The following MEI1 variants were observed in gnomAD, a reference collection of about 807,000 sequenced individuals.
The protein encoded by MEI1 is meiosis inhibitor protein 1.
A neutral mutation model predicts 146.2 loss-of-function variants in MEI1; 103 were observed. That is an observed-to-expected ratio of 0.70 (90% CI 0.60 to 0.83). MEI1 has a LOEUF of 0.83. Among genes scored for constraint, MEI1 ranks in the 40% least tolerant of loss-of-function variants. MEI1 has a pLI of 0.00. For missense variants in MEI1, 1,529 were observed against 1,533.0 expected, an observed-to-expected ratio of 1.00 and a Z score of 0.04; for synonymous variants, 652 against 628.2, an observed-to-expected ratio of 1.04 and a Z score of -0.57.
At chr22:41,775,081 T>C (rs2148087688) in intron 20 of MEI1, among the ~76,000 whole-genome samples, 1 of 152,336 alleles carries the variant, frequency 6.6e-6, no homozygotes, top group East Asian at 1.9e-4. Context: ...GGAATTGGCT[T>C]CTTTGAGCTA....
intron 3 of MEI1, among the ~76,000 whole-genome samples, chr22:41,711,891 AAGAAATAGT>A (rs1298388603): frequency 6.6e-6 from 1 of 151,960 alleles, no homozygotes; most frequent in Non-Finnish European, 1.5e-5. Context: ...AAACTGAGGA[AAGAAATAGT>A]AGAGATAATA....
intron 7 of MEI1, among the ~76,000 whole-genome samples, chr22:41,728,594 G>C (rs1262020327): frequency 6.6e-6 from 1 of 152,138 alleles, no homozygotes; most frequent in African/African-American, 2.4e-5. Flanking sequence ...GGCTGAGCAT[G>C]GTGGCTCATG....
chr22:41,787,959 G>A (rs1256584768), intron 26 of MEI1, among the ~76,000 whole-genome samples: 4 of 152,132 alleles, frequency 2.6e-5, no homozygotes, highest in African/African-American at 7.2e-5. Flanking sequence ...CATCATGTTG[G>A]TGCTCAAAAG....
chr22:41,729,845 G>A, intron 8 of MEI1, 66 bp downstream of exon 8: 1 of 978,414 alleles, frequency 1.0e-6, no homozygotes, highest in East Asian at 2.7e-5. Flanking sequence ...AGGTTCAATT[G>A]TGTATGACAG....
At chr22:41,723,406 G>A (rs570011792) in intron 6 of MEI1, among the ~76,000 whole-genome samples, 5 of 152,036 alleles carry the variant, frequency 3.3e-5, no homozygotes, top group Admixed American at 2.6e-4. Flanking sequence ...CTAGAGAGGG[G>A]GTTTCACCAT....
chr22:41,704,157 T>C (rs767668162), intron 2 of MEI1, among the ~76,000 whole-genome samples: 15 of 152,230 alleles, frequency 9.9e-5, no homozygotes, highest in Non-Finnish European at 2.1e-4. Context: ...TGTTCTTTCT[T>C]TTAATGTGAC....
chr22:41,732,050 G>C (rs772024098), intron 9 of MEI1, among the ~76,000 whole-genome samples, 195 bp from the exon 10 acceptor site: 16 of 152,132 alleles, frequency 1.1e-4, no homozygotes, highest in Non-Finnish European at 1.9e-4. Context: ...ACTGGGTGTT[G>C]GGGAGATGAA....
rs59389967 is a variant in MEI1 at position 41,752,071 on chromosome 22, G to GAA, written c.1793-508_1793-507dup. ...GCGACAGAGTGAGGCTCCGTCTCAG[G>GAA]AAAAAAAAAAAAAGAAAAGAAACTG... On this transcript the variant is annotated intron_variant, in intron 15 of 30. Coordinates refer to ENST00000401548, the MANE Select transcript of MEI1 (RefSeq NM_152513.4). Among the ~76,000 whole-genome samples the GAA allele has an allele frequency of 3.0e-5, 4 of 134,832 alleles. No homozygotes were observed. In the South Asian group the frequency reaches 9.6e-4, roughly 32 times the overall value. 88.5% of individuals were successfully genotyped at this position (134,832 alleles called of 152,430 possible). A position where few individuals can be genotyped will look rare whatever the true frequency, so the allele number is the denominator to read the frequency against.
At chr22:41,701,049 C>G (rs2068689887) in intron 1 of MEI1, among the ~76,000 whole-genome samples, 1 of 151,446 alleles carries the variant, frequency 6.6e-6, no homozygotes, top group Non-Finnish European at 1.5e-5. Flanking sequence ...AAGCGATTCT[C>G]CTGCCTCAGC....
chr22:41,782,036 C>T (rs139540), intron 24 of MEI1, among the ~76,000 whole-genome samples, 191 bp downstream of exon 24: 49,914 of 152,004 alleles, frequency 0.33, 10,159 homozygotes, highest in African/African-American at 0.54. Flanking sequence ...GAGGTTGTTT[C>T]ATATTAATCC....
intron 15 of MEI1, 66 bp from the exon 16 acceptor site, chr22:41,752,525 G>T (rs1175304401): frequency 2.1e-6 from 3 of 1,423,518 alleles, no homozygotes; most frequent in Non-Finnish European, 2.9e-6. Context: ...ATACCACCCA[G>T]GCTTGGGACT....
intron 7 of MEI1, among the ~76,000 whole-genome samples, chr22:41,728,180 C>T (rs2071537059): frequency 6.6e-6 from 1 of 152,170 alleles, no homozygotes; most frequent in Non-Finnish European, 1.5e-5. Flanking sequence ...AGTAGAACCA[C>T]ACAGTTCAAG....
intron 13 of MEI1, among the ~76,000 whole-genome samples, chr22:41,745,621 T>C (rs1475912638): frequency 6.6e-6 from 1 of 151,934 alleles, no homozygotes; most frequent in Non-Finnish European, 1.5e-5. Context: ...AAATAGCAAA[T>C]AGCATGGCAT....
chr22:41,719,023 C>T (rs1211177494), intron 6 of MEI1, among the ~76,000 whole-genome samples: 1 of 146,212 alleles, frequency 6.8e-6, no homozygotes, highest in African/African-American at 2.5e-5. Context: ...CACACTGTTG[C>T]CCAGGCCGGA....
Position 41,778,766 on chromosome 22 carries a change from G to A in MEI1, c.2769G>A (p.Val923=). The change falls in exon 22 of 31, where the codon GTG becomes GTA. Residue 923 remains valine (V), a synonymous_variant. Coordinates refer to ENST00000401548, the MANE Select transcript of MEI1 (RefSeq NM_152513.4). ...TCTCCCTGATGCAGCTCAGGAATGT[G>A]TCAGAGCAAGAACTGGACAGCGTGG... The part of the protein sequence containing the change: ...SLLSLMQLRN[V]SEQELDSVAM... 6.2e-7 allele frequency: 1 copy of A among 1,609,402 alleles called. No homozygotes were observed. Among genetic ancestry groups the A allele is most frequent in the Non-Finnish European group, 8.5e-7 (1 of 1,177,952 alleles).
chr22:41,783,847 T>G (rs1333800236), intron 24 of MEI1, among the ~76,000 whole-genome samples: 1 of 151,976 alleles, frequency 6.6e-6, no homozygotes, highest in East Asian at 1.9e-4. Flanking sequence ...GCCCAGATAA[T>G]GTTTTTGTAT....
chr22:41,747,239 T>TTC (rs2073369717), intron 14 of MEI1: 1 of 142,708 alleles, frequency 7.0e-6, no homozygotes, highest in African/African-American at 2.5e-5. Flanking sequence ...CCCTGTTTCT[T>TTC]TTTTTTTTTT....
At position 41,730,628 on chromosome 22, in the gene MEI1, A is replaced by T; in HGVS notation, c.1087A>T (p.Thr363Ser). Residue 363 changes from threonine to serine, a missense_variant, in exon 9 of 31, where the codon ACG becomes TCG. By Grantham distance (58) the Thr-to-Ser change is moderately conservative (BLOSUM62 1). Transcript: ENST00000401548. Reference sequence around the variant, plus strand: ...GCCACTCTTTTTTTCCAAGTGCCACACGGTGTATGGTTGGTAGTAAGGGTC... The same window carrying T: ...GCCACTCTTTTTTTCCAAGTGCCACTCGGTGTATGGTTGGTAGTAAGGGTC... ...EEPLFFSKCHTVYGIEAVVRS... is the reference protein window; with the variant it reads ...EEPLFFSKCHSVYGIEAVVRS... The T allele has an allele frequency of 6.2e-7, 1 of 1,611,548 alleles. No individual in the cohort carries two copies. The highest frequency in any genetic ancestry group is 8.5e-7 in the Non-Finnish European group (1 of 1,177,818).
chr22:41,707,625 A>C (rs1313072593), intron 3 of MEI1, among the ~76,000 whole-genome samples: 1 of 152,192 alleles, frequency 6.6e-6, no homozygotes, highest in East Asian at 1.9e-4. Flanking sequence ...CATGGGCAAC[A>C]TAGCAAGACT....
Sources: gnomAD v4.1 joint callset for allele counts (sites outside exome capture counted in the v4.1 genomes callset) on GRCh38, gnomAD v4.1.1 for gene constraint, MANE v1.5 for transcripts, NCBI Gene and HGNC (gene_info 2026-07-23, HGNC 2026-07-21) for gene names.